The following PHC1 variants were observed in gnomAD, a reference collection of about 807,000 sequenced individuals.
The protein encoded by PHC1 is polyhomeotic-like protein 1.
Under a neutral mutation model 104.3 loss-of-function variants are expected in PHC1, and 12 were observed. The ratio of observed to expected loss-of-function variants is 0.12; its 90% CI spans 0.07 to 0.19. The LOEUF (loss-of-function observed/expected upper bound fraction) is 0.19, where lower values mean the gene tolerates loss of function less well. Ranked by LOEUF, PHC1 falls within the 10% of genes least tolerant of loss-of-function variation. The pLI, the probability that PHC1 is intolerant of heterozygous loss-of-function variation, is 1.00. For synonymous variants in PHC1, 302 were observed against 455.8 expected, an observed-to-expected ratio of 0.66 and a Z score of 4.30; for missense variants, 671 against 1,200.0, an observed-to-expected ratio of 0.56 and a Z score of 6.51.
chr12:8,938,875 A>G (rs1235948921), intron 14 of PHC1, among the ~76,000 whole-genome samples: 1 of 152,012 alleles, frequency 6.6e-6, no homozygotes, highest in African/African-American at 2.4e-5. Flanking sequence ...CCCAGGCTGG[A>G]GTGCTGTGGC....
In PHC1 at chr12:8,917,870, C is replaced by G. The variant is rs759633741; in HGVS notation, c.114+79C>G. ...AGTGATGCTGGAAAATAATTGTACT[C>G]AGTTCTTTTTCAACAAACTGGGGAG... On this transcript the variant is annotated intron_variant, in intron 2 of 14. Coordinates refer to ENST00000544916, the MANE Select transcript of PHC1 (RefSeq NM_004426.3). The G allele has an allele frequency of 8.0e-6, 6 of 750,504 alleles. No individual in the cohort carries two copies. The African/African-American group carries it at 1.1e-4, about 14-fold the overall frequency. 46.5% of individuals were successfully genotyped at this position (750,504 alleles called of 1,614,324 possible).
intron 14 of PHC1, 53 bp downstream of exon 14, chr12:8,938,113 A>G (rs1945894480): frequency 8.1e-7 from 1 of 1,235,288 alleles, no homozygotes. Flanking sequence ...ACATCATCCC[A>G]CAGGGGCCTT....
intron 13 of PHC1, 131 bp downstream of exon 13, chr12:8,937,457 A>T: frequency 1.2e-6 from 1 of 844,150 alleles, no homozygotes; most frequent in Non-Finnish European, 1.8e-6. Flanking sequence ...GCATTACTAC[A>T]AATTCCAAGA....
intron 14 of PHC1, 60 bp downstream of exon 14, chr12:8,938,120 C>T (rs777375321): frequency 8.7e-7 from 1 of 1,147,672 alleles, no homozygotes; most frequent in Non-Finnish European, 1.3e-6. Context: ...CCCACAGGGG[C>T]CTTGATAAGA....
At position 8,914,622 on chromosome 12, in the gene PHC1, G is replaced by A. The variant is rs1452420815; in HGVS notation, c.-254G>A. ...TGAGCCGCGGCCGGGCCCGCACCCGGAGCGGCGGGAGGGGCGGGGAGCCGC... is the reference window on the plus strand; with the variant it reads ...TGAGCCGCGGCCGGGCCCGCACCCGAAGCGGCGGGAGGGGCGGGGAGCCGC... On this transcript the variant is annotated 5_prime_UTR_variant, in exon 1 of 15. Coordinates refer to ENST00000544916, the MANE Select transcript of PHC1 (RefSeq NM_004426.3). 2 of 150,500 alleles carry A rather than the reference G, an allele frequency of 1.3e-5. No homozygotes were observed. Among genetic ancestry groups the A allele is most frequent in the African/African-American group, 4.8e-5 (2 of 41,256 alleles). 9.3% of individuals were successfully genotyped at this position (150,500 alleles called of 1,614,324 possible). A position where few individuals can be genotyped will look rare whatever the true frequency, so the allele number is the denominator to read the frequency against.
rs1417199966 is a variant in PHC1 at position 8,933,117 on chromosome 12, A to G, written c.1660A>G (p.Thr554Ala). 3.3e-6 allele frequency: 3 copies of G among 903,692 alleles called. No individual in the cohort carries two copies. The highest frequency in any genetic ancestry group is 4.9e-6 in the Non-Finnish European group (3 of 615,616). The allele number at this position is 903,692 out of a possible 1,614,324, so 56.0% of individuals were successfully genotyped here. ...GGCACAGCTGGCAGCTGCTGTACCT[A>G]CTTCCCGGGGGATGCCAGGTACAGT... ...GLAQLAAAVPTSRGMPGTVQS... is the reference protein window; with the variant it reads ...GLAQLAAAVPASRGMPGTVQS... The change falls in exon 8 of 15, where the codon ACT (threonine) becomes GCT (alanine). Residue 554 changes from threonine to alanine, a missense_variant. This residue lies in a region of PHC1 where 26 missense variants were observed against 130.8 expected (regional missense o/e 0.20). Coordinates refer to ENST00000544916, the MANE Select transcript of PHC1 (RefSeq NM_004426.3).
At position 8,930,467 on chromosome 12, in the gene PHC1, C is replaced by G; in HGVS notation, c.645C>G (p.Ala215=). 1 of 1,601,398 alleles carries G rather than the reference C, an allele frequency of 6.2e-7. No individual in the cohort carries two copies. The highest frequency in any genetic ancestry group is 1.3e-5 in the African/African-American group (1 of 74,602). The part of the protein sequence containing the change: ...VQNLAVRNQQ[A]SAQGPQMQGS... ...ACTTGGCAGTAAGGAATCAACAGGC[C>G]TCAGCTCAAGGACCTCAGATGCAAG... is the stretch of plus-strand genomic sequence containing the variant. The change falls in exon 7 of 15, where the codon GCC becomes GCG. Residue 215 remains alanine (A), a synonymous_variant. Transcript: ENST00000544916.
chr12:8,919,950 T>C lies in PHC1; in HGVS notation c.225+84T>C. On this transcript the variant is annotated intron_variant, in intron 3 of 14. Transcript: ENST00000544916. The surrounding 1 kb of genome is among the most constrained non-coding windows in gnomAD (Gnocchi z 4.9). Reference sequence around the variant, plus strand: ...GGGGAGATTTTTTGGGCATATAGCATCCTATACTAAGCCAGGCTGCAGACA... The same window carrying C: ...GGGGAGATTTTTTGGGCATATAGCACCCTATACTAAGCCAGGCTGCAGACA... The C allele has an allele frequency of 6.5e-7, 1 of 1,547,706 alleles. No homozygotes were observed. The highest frequency in any genetic ancestry group is 8.7e-7 in the Non-Finnish European group (1 of 1,143,430).
chr12:8,914,463 G>C (rs866225304), upstream of PHC1: 27 of 140,928 alleles, frequency 1.9e-4, no homozygotes, highest in African/African-American at 5.2e-4. Context: ...ACGGCGGGGG[G>C]GGGGTCCGGC....
chr12:8,924,593 G>A (rs1412720231), intron 6 of PHC1, among the ~76,000 whole-genome samples: 1 of 152,194 alleles, frequency 6.6e-6, no homozygotes, highest in Non-Finnish European at 1.5e-5. Context: ...GCAGAGTCTT[G>A]GACGAGTGGA....
Position 8,932,544 on chromosome 12 carries a change from T to C in PHC1, c.1106-19T>C, listed in dbSNP as rs374307552. 2.6e-5 allele frequency: 42 copies of C among 1,610,476 alleles called. No homozygotes were observed. The highest frequency in any genetic ancestry group is 3.5e-5 in the Non-Finnish European group (41 of 1,176,924). On this transcript the variant is annotated intron_variant, in intron 7 of 14. Coordinates refer to ENST00000544916, the MANE Select transcript of PHC1 (RefSeq NM_004426.3). ...CTGCTCTTTTTTCTCTCTGTTGTAT[T>C]CTGGGATTGTTCCTATAGCCACCTA...
rs1172683418 is a variant in PHC1, at chr12:8,919,614, A to G, written c.115-142A>G. 4 of 770,524 alleles carry G rather than the reference A, an allele frequency of 5.2e-6. No individual in the cohort carries two copies. The African/African-American group carries it at 5.3e-5, about 10-fold the overall frequency. The allele number at this position is 770,524 out of a possible 1,614,324, so 47.7% of individuals were successfully genotyped here. The stretch of plus-strand genomic sequence containing the variant: ...TGCTCTAAAAAAATGAAGGAAAATC[A>G]GCCGTTGACGATTTAGCCCAAACTC... On this transcript the variant is annotated intron_variant, in intron 2 of 14. Coordinates refer to ENST00000544916, the MANE Select transcript of PHC1 (RefSeq NM_004426.3). The surrounding 1 kb of genome is among the most constrained non-coding windows in gnomAD (Gnocchi z 4.9).
At chr12:8,923,209 T>G (rs971040469) in intron 6 of PHC1, among the ~76,000 whole-genome samples, 1 of 152,210 alleles carries the variant, frequency 6.6e-6, no homozygotes, top group Non-Finnish European at 1.5e-5. Flanking sequence ...TGCTTCTGTT[T>G]GTGAGTTACT....
rs1467239706 is a variant in PHC1 at position 8,939,331 on chromosome 12, C to T, written c.2887C>T (p.Arg963Cys). Residue 963 changes from arginine to cysteine, a missense_variant, in exon 15 of 15, where the codon CGC becomes TGC. Physicochemically the swap from Arg to Cys is radical, Grantham distance 180. This residue lies in a region of PHC1 where 192 missense variants were observed against 280.5 expected (regional missense o/e 0.68). Transcript: ENST00000544916. ...CTGCCAAGAGATTGCAGAGGAATTT[C>T]GCTCACAGGAGATTGATGGACAGGC... ...QGCQEIAEEF[R>C]SQEIDGQALL... The T allele has an allele frequency of 2.5e-6, 4 of 1,613,862 alleles. No homozygotes were observed. Among genetic ancestry groups the T allele is most frequent in the African/African-American group, 1.3e-5 (1 of 74,882 alleles).
chr12:8,918,873 A>G (rs1329547238), intron 2 of PHC1, among the ~76,000 whole-genome samples: 1 of 152,218 alleles, frequency 6.6e-6, no homozygotes, highest in Non-Finnish European at 1.5e-5. Flanking sequence ...CGTGACTGTC[A>G]TAGAGCGCAC....
chr12:8,918,021 A>C (rs773402667), intron 2 of PHC1, among the ~76,000 whole-genome samples: 1 of 152,226 alleles, frequency 6.6e-6, no homozygotes, highest in Admixed American at 6.5e-5. Flanking sequence ...CATTCAGTCC[A>C]TCTAGCTAGA....
At chr12:8,918,732 A>T (rs1945273383) in intron 2 of PHC1, among the ~76,000 whole-genome samples, 2 of 152,212 alleles carry the variant, frequency 1.3e-5, no homozygotes, top group Non-Finnish European at 2.9e-5. Flanking sequence ...TGGAGAAACA[A>T]GTTTGTATAA....
chr12:8,934,045 C>T, intron 9 of PHC1, 33 bp downstream of exon 9: 1 of 1,608,392 alleles, frequency 6.2e-7, no homozygotes, highest in South Asian at 1.1e-5. Flanking sequence ...TGTTGGAGAG[C>T]ACACAGAGTA....
At position 8,936,871 on chromosome 12, in the gene PHC1, C is replaced by T. The variant is rs1367242834; in HGVS notation, c.2384C>T (p.Ala795Val). 6 of 1,608,386 alleles carry T rather than the reference C, an allele frequency of 3.7e-6. No homozygotes were observed. The highest frequency in any genetic ancestry group is 4.5e-5 in the East Asian group (2 of 44,856). Reference sequence around the variant, plus strand: ...TGTTTTTTAGAGTTAGATAAGAAGGCGAATCTCCTGAAGTGCGAGTACTGT... The same window carrying T: ...TGTTTTTTAGAGTTAGATAAGAAGGTGAATCTCCTGAAGTGCGAGTACTGT... ...DSPSAELDKK[A>V]NLLKCEYCGK... is the part of the protein sequence containing the mutation. The change falls in exon 12 of 15, where the codon GCG becomes GTG. Residue 795 changes from alanine to valine, a missense_variant. Transcript: ENST00000544916.
Sources: gnomAD v4.1 joint callset for allele counts (sites outside exome capture counted in the v4.1 genomes callset) on GRCh38, gnomAD v4.1.1 for gene constraint, gnomAD v4.1.1 regional missense constraint, Gnocchi (gnomAD v3.1) non-coding constraint, MANE v1.5 for transcripts, NCBI Gene and HGNC (gene_info 2026-07-23, HGNC 2026-07-21) for gene names.